The following FIGN variants were observed in gnomAD, a reference collection of about 807,000 sequenced individuals.
The protein encoded by FIGN is fidgetin.
FIGN carries 11 observed loss-of-function variants against 51.3 expected under a neutral mutation model. The observed-to-expected ratio is 0.21, with a 90% CI of 0.13 to 0.35. The LOEUF (loss-of-function observed/expected upper bound fraction) is 0.35, where lower values mean the gene tolerates loss of function less well. FIGN is among the 10% of genes least tolerant of loss of function. The pLI is 1.00. For missense variants in FIGN, 857 were observed against 943.6 expected (o/e 0.91, Z 1.20); for synonymous variants, 407 against 363.2 (o/e 1.12, Z -1.37).
chr2:163,646,502 CA>C (rs1309759363), intron 2 of FIGN, among the ~76,000 whole-genome samples: 2 of 152,068 alleles, frequency 1.3e-5, no homozygotes, highest in Admixed American at 1.3e-4. Context: ...CAAAATTTTG[CA>C]GGGACAAATC....
Position 163,685,466 on chromosome 2 carries a change from C to T in FIGN, c.25+49437G>A, listed in dbSNP as rs573613969. 2.0e-5 allele frequency among the ~76,000 whole-genome samples: 3 copies of T among 152,146 alleles called. No homozygotes were observed. In the South Asian group the frequency reaches 6.2e-4, roughly 32 times the overall value. On this transcript the variant is annotated intron_variant, in intron 2 of 2. Coordinates refer to ENST00000333129, the MANE Select transcript of FIGN (RefSeq NM_018086.4). The stretch of plus-strand genomic sequence containing the variant: ...GATAAATACATGTTTGGCCGTGTTC[C>T]CCTTAGGGCATAGGCAGTCCAAGAC...
chr2:163,654,917 G>A (rs1207004099), intron 2 of FIGN, among the ~76,000 whole-genome samples: 1 of 151,886 alleles, frequency 6.6e-6, no homozygotes, highest in Non-Finnish European at 1.5e-5. Context: ...CCCAAAGGAG[G>A]AGCGTACCAG....
intron 2 of FIGN, among the ~76,000 whole-genome samples, chr2:163,695,778 C>T (rs1684309024): frequency 6.6e-6 from 1 of 152,100 alleles, no homozygotes; most frequent in Non-Finnish European, 1.5e-5. Flanking sequence ...AGACATTTTC[C>T]CACCCAGCAA....
At chr2:163,701,971 CTG>C (rs1684414495) in intron 2 of FIGN, among the ~76,000 whole-genome samples, 1 of 152,130 alleles carries the variant, frequency 6.6e-6, no homozygotes, top group Non-Finnish European at 1.5e-5. Context: ...GCCCCCAGCT[CTG>C]TGATTTGTAC....
At chr2:163,625,047 T>C (rs1195234030) in intron 2 of FIGN, among the ~76,000 whole-genome samples, 1 of 152,094 alleles carries the variant, frequency 6.6e-6, no homozygotes, top group Non-Finnish European at 1.5e-5. Flanking sequence ...AGCTGGATTA[T>C]ATTCATTGTA....
chr2:163,676,482 TAAC>T (rs1683972785), intron 2 of FIGN, among the ~76,000 whole-genome samples: 1 of 57,310 alleles, frequency 1.7e-5, no homozygotes, highest in Non-Finnish European at 4.3e-5. Flanking sequence ...TATATATATA[TAAC>T]TAGAGTCTGT....
intron 2 of FIGN, among the ~76,000 whole-genome samples, chr2:163,647,741 C>T (rs1488992585): frequency 1.3e-5 from 2 of 152,138 alleles, no homozygotes; most frequent in South Asian, 2.1e-4. Flanking sequence ...ACATCAAAAA[C>T]ATTTGAATCA....
At chr2:163,697,819 A>G (rs1684347405) in intron 2 of FIGN, among the ~76,000 whole-genome samples, 1 of 152,216 alleles carries the variant, frequency 6.6e-6, no homozygotes. Context: ...AACATATACT[A>G]TATACCATAG....
chr2:163,668,518 A>G (rs930878808), intron 2 of FIGN, among the ~76,000 whole-genome samples: 4 of 152,236 alleles, frequency 2.6e-5, no homozygotes, highest in African/African-American at 9.6e-5. Flanking sequence ...TGAGATAGGA[A>G]TGAAAGCCTG....
Position 163,610,131 on chromosome 2 carries a change from G to A in FIGN, c.1701C>T (p.Ile567=). 6.2e-7 allele frequency: 1 copy of A among 1,614,108 alleles called. No individual in the cohort carries two copies. The highest frequency in any genetic ancestry group is 8.5e-7 in the Non-Finnish European group (1 of 1,180,008). The change falls in exon 3 of 3, where the codon ATC becomes ATT. Residue 567 remains isoleucine, a synonymous_variant. Transcript: ENST00000333129. ...ACCTGGCCACAAGAAAAGAGGCATG[G>A]ATAATTTTCTCTGCTTCTCCTAACC... ...AKWLGEAEKI[I]HASFLVARCR... is the part of the protein sequence containing the mutation.
chr2:163,683,532 C>T (rs759545840), intron 2 of FIGN, among the ~76,000 whole-genome samples: 27 of 152,128 alleles, frequency 1.8e-4, no homozygotes, highest in Non-Finnish European at 2.2e-4. Flanking sequence ...TAAGATTAAA[C>T]GGAGAGAAAG....
At chr2:163,650,441 G>T (rs1157912076) in intron 2 of FIGN, among the ~76,000 whole-genome samples, 1 of 151,890 alleles carries the variant, frequency 6.6e-6, no homozygotes, top group Non-Finnish European at 1.5e-5. Flanking sequence ...TGTGCAGAAT[G>T]TGCAGGTTTT....
intron 2 of FIGN, among the ~76,000 whole-genome samples, chr2:163,634,817 C>T (rs1683200969): frequency 6.6e-6 from 1 of 152,156 alleles, no homozygotes; most frequent in Admixed American, 6.5e-5. Flanking sequence ...ATTCCTCAGC[C>T]AAATTTGGCA....
At chr2:163,687,582 A>G (rs1684169982) in intron 2 of FIGN, among the ~76,000 whole-genome samples, 1 of 152,216 alleles carries the variant, frequency 6.6e-6, no homozygotes, top group Non-Finnish European at 1.5e-5. Flanking sequence ...ATTACTCTTG[A>G]GGAAGACAGT....
Position 163,735,197 on chromosome 2 carries a change from C to A in FIGN, c.-145-125G>T, listed in dbSNP as rs1026110073. ...CAAGTCCATGTCAATTTCACTCACT[C>A]CCATTGAAACTAACAAGAGCTCCGG... On this transcript the variant is annotated intron_variant, in intron 1 of 2. Transcript: ENST00000333129. The A allele has an allele frequency of 5.9e-5, 27 of 460,074 alleles. No individual in the cohort carries two copies. In the East Asian group the frequency reaches 1.0e-3, roughly 17 times the overall value. The allele number at this position is 460,074 out of a possible 1,614,324, so 28.5% of individuals were successfully genotyped here.
chr2:163,609,829 T>G lies in FIGN; in HGVS notation c.2003A>C (p.Gln668Pro). The G allele has an allele frequency of 6.2e-7, 1 of 1,614,206 alleles. No individual in the cohort carries two copies. Among genetic ancestry groups the G allele is most frequent in the Non-Finnish European group, 8.5e-7 (1 of 1,180,032 alleles). The change falls in exon 3 of 3, where the codon CAG becomes CCG. Residue 668 changes from glutamine to proline, a missense_variant. Physicochemically the swap from Gln to Pro is moderately conservative, Grantham distance 76. Transcript: ENST00000333129. ...RHQIIVQLLS[Q>P]HNYCLNDKEF... ...CTTGTCATTGAGACAGTAATTGTGC[T>G]GTGAGAGCAGTTGTACTATTATCTG...
At chr2:163,660,224 C>T (rs1021428552) in intron 2 of FIGN, among the ~76,000 whole-genome samples, 1 of 152,136 alleles carries the variant, frequency 6.6e-6, no homozygotes, top group African/African-American at 2.4e-5. Context: ...GGGGCCTCTG[C>T]ATAGCCTAAA....
At chr2:163,712,672 CAG>C (rs1423921596) in intron 2 of FIGN, among the ~76,000 whole-genome samples, 2 of 151,990 alleles carry the variant, frequency 1.3e-5, no homozygotes, top group East Asian at 3.9e-4. Context: ...CAAAATAAAA[CAG>C]TAATATTTTT....
Position 163,604,016 on chromosome 2 carries a change from C to T in FIGN, c.*5536G>A, listed in dbSNP as rs1005412394. 2.0e-5 allele frequency: 3 copies of T among 152,018 alleles called. 1 individual carries two copies. In the South Asian group the frequency reaches 6.2e-4, roughly 31 times the overall value. 9.4% of individuals were successfully genotyped at this position (152,018 alleles called of 1,614,324 possible). ...GGAACTTGCAAGCACCATGACTCCA[C>T]GTTTGTTAATTCCTTTGGGAAGTGC... On this transcript the variant is annotated 3_prime_UTR_variant, in exon 3 of 3. Transcript: ENST00000333129.
Sources: allele counts gnomAD v4.1 joint callset (sites outside exome capture counted in the v4.1 genomes callset), GRCh38; gene constraint gnomAD v4.1.1; transcripts MANE v1.5; gene names NCBI Gene and HGNC (gene_info 2026-07-23, HGNC 2026-07-21).